The following IL31RA variants were observed in gnomAD, a reference collection of about 807,000 sequenced individuals.
IL31RA encodes the protein interleukin 31 receptor A.
A neutral mutation model predicts 83.7 loss-of-function variants in IL31RA; 66 were observed. That is an observed-to-expected ratio of 0.79 (90% CI 0.65 to 0.97). IL31RA has a LOEUF of 0.97. Ranked by LOEUF, IL31RA falls within the 50% of genes least tolerant of loss-of-function variation. The probability of loss-of-function intolerance (pLI) is 0.00; values close to 1 mark genes in which losing one functional copy is unlikely to be tolerated. For missense variants in IL31RA, 798 were observed against 919.4 expected, an observed-to-expected ratio of 0.87 and a Z score of 1.71; for synonymous variants, 325 against 329.0, an observed-to-expected ratio of 0.99 and a Z score of 0.13.
At chr5:55,892,631 A>T (rs1423780304) in intron 6 of IL31RA, among the ~76,000 whole-genome samples, 2 of 152,142 alleles carry the variant, frequency 1.3e-5, no homozygotes, top group Non-Finnish European at 2.9e-5. Context: ...GCTGATGATT[A>T]AGTGCTCCCT....
chr5:55,875,159 G>A (rs1746760681), intron 4 of IL31RA, among the ~76,000 whole-genome samples: 1 of 152,054 alleles, frequency 6.6e-6, no homozygotes, highest in South Asian at 2.1e-4. Flanking sequence ...TTAAAATGGT[G>A]TCTTACATTG....
At position 55,890,017 on chromosome 5, in the gene IL31RA, C is replaced by A. The variant is rs1747885009; in HGVS notation, c.654C>A (p.Tyr218Ter). 1.9e-6 allele frequency: 3 copies of A among 1,613,916 alleles called. No individual in the cohort carries two copies. Among genetic ancestry groups the A allele is most frequent in the African/African-American group, 2.7e-5 (2 of 74,918 alleles). ...AKNRKDKNQT[Y>*]NLTGLQPFTE... Reference sequence around the variant, plus strand: ...ACCGTAAGGATAAAAACCAAACGTACAACCTCACGGGGCTGCAGCCTTTTA... The same window carrying A: ...ACCGTAAGGATAAAAACCAAACGTAAAACCTCACGGGGCTGCAGCCTTTTA... Residue 218 changes from tyrosine to a stop codon, truncating the protein, a stop_gained, in exon 6 of 15, where the codon TAC becomes TAA. Transcript: ENST00000652347. LOFTEE classifies it high-confidence loss of function.
chr5:55,908,935 A>G (rs1017178675), intron 11 of IL31RA: 1 of 1,118,012 alleles, frequency 8.9e-7, no homozygotes, highest in Non-Finnish European at 1.1e-6. Flanking sequence ...AAAGTGTACA[A>G]TTTAGTGGCA....
chr5:55,908,944 C>T (rs1317873412), intron 11 of IL31RA: 23 of 1,046,224 alleles, frequency 2.2e-5, no homozygotes, highest in Non-Finnish European at 2.7e-5. Context: ...AATTTAGTGG[C>T]ATTAGAAGCA....
At chr5:55,870,400 G>A (rs1276667456) in intron 3 of IL31RA, among the ~76,000 whole-genome samples, 3 of 152,192 alleles carry the variant, frequency 2.0e-5, no homozygotes, top group Admixed American at 6.5e-5. Context: ...AAATAAGCAT[G>A]ATAAAGGCCC....
At chr5:55,901,704 C>T (rs1748828188) in intron 8 of IL31RA, among the ~76,000 whole-genome samples, 1 of 151,888 alleles carries the variant, frequency 6.6e-6, no homozygotes, top group African/African-American at 2.4e-5. Flanking sequence ...CAACCTCCAC[C>T]TCCTAGGTTC....
intron 4 of IL31RA, among the ~76,000 whole-genome samples, chr5:55,874,182 G>C (rs960832800): frequency 1.3e-5 from 2 of 152,020 alleles, no homozygotes; most frequent in African/African-American, 4.8e-5. Context: ...TTGTTGAATT[G>C]TCTTGGCACC....
intron 5 of IL31RA, among the ~76,000 whole-genome samples, chr5:55,887,408 T>G (rs1747680906): frequency 6.6e-6 from 1 of 152,182 alleles, no homozygotes; most frequent in Non-Finnish European, 1.5e-5. Flanking sequence ...TAAAGCCATG[T>G]GAGCCTCTTA....
intron 2 of IL31RA, among the ~76,000 whole-genome samples, chr5:55,864,959 G>T (rs112401526): frequency 9.2e-5 from 14 of 152,104 alleles, no homozygotes; most frequent in Non-Finnish European, 1.8e-4. Context: ...TCTGAGCCAT[G>T]GAGACAGGGA....
chr5:55,859,604 G>GCTGAA lies in IL31RA; in HGVS notation c.154+5_154+6insCTGAA. ...TCTGCAAATTCAGCCTGGCAGGTAG[G>GCTGAA]TTGACCTGGGCCCTTTTACAGATCA... On this transcript the variant is annotated splice_donor_region_variant and intron_variant, in intron 2 of 14. Transcript: ENST00000652347. 1 of 1,590,242 alleles carries GCTGAA rather than the reference G, an allele frequency of 6.3e-7. No individual in the cohort carries two copies. Among genetic ancestry groups the GCTGAA allele is most frequent in the Non-Finnish European group, 8.6e-7 (1 of 1,158,430 alleles).
At chr5:55,895,481 G>A (rs186295406) in intron 6 of IL31RA, among the ~76,000 whole-genome samples, 1 of 152,248 alleles carries the variant, frequency 6.6e-6, no homozygotes, top group East Asian at 1.9e-4. Flanking sequence ...ATCCCTATAT[G>A]GTTAGATCAT....
intron 6 of IL31RA, among the ~76,000 whole-genome samples, chr5:55,892,698 C>T (rs1415042693): frequency 2.6e-5 from 4 of 152,204 alleles, no homozygotes; most frequent in African/African-American, 9.6e-5. Context: ...ACTCTTCTTT[C>T]TAGTGACCTC....
intron 8 of IL31RA, among the ~76,000 whole-genome samples, chr5:55,905,265 G>A (rs571947825): frequency 1.3e-5 from 2 of 152,150 alleles, no homozygotes; most frequent in South Asian, 4.2e-4. Flanking sequence ...ATGGATTCGA[G>A]TTTTGCAGGT....
chr5:55,874,689 A>G (rs553924215), intron 4 of IL31RA, among the ~76,000 whole-genome samples: 3 of 152,302 alleles, frequency 2.0e-5, no homozygotes, highest in Non-Finnish European at 4.4e-5. Flanking sequence ...TTGTTAGTGT[A>G]TATAAATACA....
upstream of IL31RA, among the ~76,000 whole-genome samples, chr5:55,847,248 TA>T (rs1419034770): frequency 3.9e-4 from 13 of 33,466 alleles, 1 homozygote; most frequent in African/African-American, 1.2e-3. Context: ...AAAATAAAAA[TA>T]AATAAATAAA....
At chr5:55,887,272 G>A (rs919544001) in intron 5 of IL31RA, among the ~76,000 whole-genome samples, 2 of 152,074 alleles carry the variant, frequency 1.3e-5, no homozygotes, top group Non-Finnish European at 2.9e-5. Flanking sequence ...AAGATCACAG[G>A]GCTTGTCAGT....
rs574974190 is a variant in IL31RA, at chr5:55,854,893, G to A, written c.63+3260G>A. On this transcript the variant is annotated intron_variant, in intron 1 of 14. Transcript: ENST00000652347. ...ACATGAAAGTGCTTGTAAATCTAAG[G>A]CCATTATTACTGCGACTATTATCAT... Among the ~76,000 whole-genome samples, 21 of 152,226 alleles carry A rather than the reference G, an allele frequency of 1.4e-4. No individual in the cohort carries two copies. In the East Asian group the frequency reaches 4.0e-3, roughly 29 times the overall value.
intron 1 of IL31RA, among the ~76,000 whole-genome samples, chr5:55,855,856 T>C (rs1274502235): frequency 1.3e-5 from 2 of 152,232 alleles, no homozygotes; most frequent in East Asian, 3.8e-4. Context: ...AAACAGTAGC[T>C]GCTACTAGGT....
upstream of IL31RA, among the ~76,000 whole-genome samples, chr5:55,848,023 A>C (rs991436457): frequency 6.6e-6 from 1 of 152,174 alleles, no homozygotes; most frequent in African/African-American, 2.4e-5. Flanking sequence ...TTGTCACATT[A>C]TATCAGGGAT....
Sources: gnomAD v4.1 joint callset for allele counts (sites outside exome capture counted in the v4.1 genomes callset) on GRCh38, gnomAD v4.1.1 for gene constraint, MANE v1.5 for transcripts, NCBI Gene and HGNC (gene_info 2026-07-23, HGNC 2026-07-21) for gene names.